Variants in PREX1 observed in about 807,000 individuals in gnomAD.
The protein encoded by PREX1 is phosphatidylinositol 3,4,5-trisphosphate-dependent Rac exchanger 1 protein.
Under a neutral mutation model 198.3 loss-of-function variants are expected in PREX1, and 41 were observed. The ratio of observed to expected loss-of-function variants is 0.21; its 90% CI spans 0.16 to 0.27. The LOEUF (loss-of-function observed/expected upper bound fraction) is 0.27. PREX1 is among the 10% of genes least tolerant of loss of function. The pLI is 1.00. For synonymous variants in PREX1, 843 were observed against 887.2 expected (o/e 0.95, Z 0.89); for missense variants, 1,620 against 2,200.7 (o/e 0.74, Z 5.28).
intron 39 of PREX1, among the ~76,000 whole-genome samples, chr20:48,627,059 A>G (rs13043635): frequency 0.11 from 17,068 of 152,204 alleles, 996 homozygotes; most frequent in Middle Eastern, 0.14. Context: ...CAGGCATCGC[A>G]GGCCTGGGCC....
At chr20:48,642,659 C>T in intron 27 of PREX1, 170 bp from the exon 28 acceptor site, 1 of 581,504 alleles carries the variant, frequency 1.7e-6, no homozygotes, top group Non-Finnish European at 3.0e-6. Context: ...CCTGACCTCT[C>T]TGAGCCTCAG....
chr20:48,708,535 T>C (rs1364986679), intron 5 of PREX1, 114 bp from the exon 6 acceptor site: 13 of 1,145,532 alleles, frequency 1.1e-5, no homozygotes, highest in African/African-American at 3.1e-5. Context: ...TGGTGGACAT[T>C]ACATTCTAGT....
intron 4 of PREX1, among the ~76,000 whole-genome samples, chr20:48,730,695 T>C (rs1287541516): frequency 6.6e-6 from 1 of 152,074 alleles, no homozygotes; most frequent in Admixed American, 6.6e-5. Context: ...AAAAAGCTTT[T>C]TTAAAATCTC....
intron 33 of PREX1, among the ~76,000 whole-genome samples, chr20:48,633,015 C>G (rs1226044786): frequency 6.6e-6 from 1 of 152,214 alleles, no homozygotes; most frequent in Non-Finnish European, 1.5e-5. Flanking sequence ...CCCGGTAGCC[C>G]ATGGCCCCTG....
intron 1 of PREX1, among the ~76,000 whole-genome samples, chr20:48,763,436 G>T (rs2090193263): frequency 6.6e-6 from 1 of 152,168 alleles, no homozygotes; most frequent in Non-Finnish European, 1.5e-5. Context: ...AGGGCGGGGT[G>T]GCTGGACATC....
the PREX1 span, among the ~76,000 whole-genome samples, chr20:48,860,366 G>A: frequency 6.6e-6 from 1 of 152,182 alleles, no homozygotes; most frequent in African/African-American, 2.4e-5. Flanking sequence ...GTTGCCAGGG[G>A]CAGAAGGGCA....
At chr20:48,700,667 A>C (rs1278787935) in intron 7 of PREX1, 86 bp downstream of exon 7, 1 of 1,527,470 alleles carries the variant, frequency 6.5e-7, no homozygotes, top group African/African-American at 1.4e-5. Flanking sequence ...CAGGAAAGGG[A>C]GGCCCAGAGA....
At chr20:48,805,505 G>C (rs1025326292) in intron 1 of PREX1, among the ~76,000 whole-genome samples, 4 of 152,224 alleles carry the variant, frequency 2.6e-5, no homozygotes, top group African/African-American at 9.6e-5. Context: ...ACGGGGAGGG[G>C]CTGAGAATAT....
At chr20:48,718,898 C>T (rs2089973716) in intron 5 of PREX1, among the ~76,000 whole-genome samples, 1 of 152,150 alleles carries the variant, frequency 6.6e-6, no homozygotes, top group Admixed American at 6.5e-5. Flanking sequence ...AGTCAGATTT[C>T]AAAGAGGCAA....
intron 13 of PREX1, 49 bp from the exon 14 acceptor site, chr20:48,676,317 G>C: frequency 6.4e-7 from 1 of 1,568,542 alleles, no homozygotes; most frequent in Non-Finnish European, 8.8e-7. Context: ...GGGGAGGACA[G>C]AGGTGGGGGT....
the PREX1 span, among the ~76,000 whole-genome samples, chr20:48,860,091 A>G: frequency 6.6e-6 from 1 of 152,270 alleles, no homozygotes; most frequent in African/African-American, 2.4e-5. Flanking sequence ...TCATAGCAGC[A>G]TTATTCACAA....
chr20:48,674,028 C>A (rs150805486), intron 14 of PREX1, among the ~76,000 whole-genome samples: 1 of 152,202 alleles, frequency 6.6e-6, no homozygotes, highest in East Asian at 1.9e-4. Flanking sequence ...CTTGAACCCA[C>A]GTCTGTCTGG....
intron 35 of PREX1, among the ~76,000 whole-genome samples, chr20:48,631,959 G>A (rs751930904): frequency 2.6e-5 from 4 of 152,114 alleles, no homozygotes; most frequent in Non-Finnish European, 4.4e-5. Context: ...GAATGAAGCC[G>A]GCTCCTCTCA....
chr20:48,639,874 A>T lies in PREX1; in HGVS notation c.3796T>A (p.Cys1266Ser). The T allele has an allele frequency of 1.2e-6, 2 of 1,613,394 alleles. No individual in the cohort carries two copies. Among genetic ancestry groups the T allele is most frequent in the South Asian group, 1.1e-5 (1 of 91,040 alleles). ...ATCAGGCTCCGGCCACGGATTGTAC[A>T]CTCTTCTTTCTGTTTAAACTCTGGG... ...SLQEFKQKEE[C>S]TIRGRSLIQI... is the part of the protein sequence containing the mutation. Residue 1266 changes from cysteine to serine, a missense_variant, in exon 30 of 40, where the codon TGT becomes AGT. This residue lies in a region of PREX1 where 476 missense variants were observed against 603.4 expected (regional missense o/e 0.79). Transcript: ENST00000371941.
chr20:48,672,628 C>T (rs1210519338), intron 14 of PREX1, among the ~76,000 whole-genome samples: 1 of 152,256 alleles, frequency 6.6e-6, no homozygotes, highest in Non-Finnish European at 1.5e-5. Context: ...CCACCCTGGC[C>T]CCCTCTCTGC....
At chr20:48,642,109 G>A (rs1001750478) in intron 29 of PREX1, 59 bp downstream of exon 29, 13 of 1,545,874 alleles carry the variant, frequency 8.4e-6, no homozygotes, top group South Asian at 2.2e-5. Flanking sequence ...CGGGTACGCC[G>A]CCCTGTCTAA....
chr20:48,787,625 C>G (rs534254932), intron 1 of PREX1, among the ~76,000 whole-genome samples: 1 of 144,326 alleles, frequency 6.9e-6, no homozygotes, highest in South Asian at 2.2e-4. Context: ...AAAAAAGCAA[C>G]CATAAAACAA....
At position 48,635,350 on chromosome 20, in the gene PREX1, C is replaced by T. The variant is rs80070811; in HGVS notation, c.4168-575G>A. 5.0e-3 allele frequency among the ~76,000 whole-genome samples: 761 copies of T among 152,286 alleles called. 4 individuals carry two copies. Among genetic ancestry groups the T allele is most frequent in the Non-Finnish European group, 8.0e-3 (547 of 68,028 alleles). ...AGATGACACCAGGTTTCCCTTCTGC[C>T]ACTCTCTGCCCCCAAACAATACATC... is the stretch of plus-strand genomic sequence containing the variant. On this transcript the variant is annotated intron_variant, in intron 32 of 39. Transcript: ENST00000371941.
chr20:48,644,100 C>T (rs181647623), intron 27 of PREX1, among the ~76,000 whole-genome samples: 1 of 152,350 alleles, frequency 6.6e-6, no homozygotes, highest in East Asian at 1.9e-4. Flanking sequence ...ATTCATCGAA[C>T]ATGAAGTACA....
Sources: gnomAD v4.1 joint callset for allele counts (sites outside exome capture counted in the v4.1 genomes callset) on GRCh38, gnomAD v4.1.1 for gene constraint, gnomAD v4.1.1 regional missense constraint, MANE v1.5 for transcripts, NCBI Gene and HGNC (gene_info 2026-07-23, HGNC 2026-07-21) for gene names.